Variants in PRIM2 observed in about 807,000 individuals in gnomAD.
The protein encoded by PRIM2 is DNA primase subunit 2.
Under a neutral mutation model 67.3 loss-of-function variants are expected in PRIM2, and 39 were observed. The ratio of observed to expected loss-of-function variants is 0.58; its 90% CI spans 0.45 to 0.76. The LOEUF (loss-of-function observed/expected upper bound fraction) is 0.76, where lower values mean the gene tolerates loss of function less well. Among genes scored for constraint, PRIM2 ranks in the 30% least tolerant of loss-of-function variants. The probability of loss-of-function intolerance (pLI) is 0.00; values close to 1 mark genes in which losing one functional copy is unlikely to be tolerated. For missense variants in PRIM2, 398 were observed against 598.7 expected, an observed-to-expected ratio of 0.66 and a Z score of 3.50; for synonymous variants, 143 against 198.7, an observed-to-expected ratio of 0.72 and a Z score of 2.36.
intron 10 of PRIM2, among the ~76,000 whole-genome samples, chr6:57,598,262 G>GT (rs1342062045): frequency 2.0e-5 from 3 of 152,180 alleles, no homozygotes; most frequent in Non-Finnish European, 2.9e-5. Flanking sequence ...TTGTGCTCTA[G>GT]TATAAAAGTG....
chr6:57,577,314 A>C (rs1371055093), intron 10 of PRIM2, among the ~76,000 whole-genome samples: 72 of 152,286 alleles, frequency 4.7e-4, no homozygotes, highest in African/African-American at 1.7e-3. Context: ...TAATATTTCG[A>C]AGTCTCAATT....
At chr6:57,446,337 C>A (rs73750119) in intron 7 of PRIM2, among the ~76,000 whole-genome samples, 1 of 141,396 alleles carries the variant, frequency 7.1e-6, no homozygotes, top group African/African-American at 2.6e-5. Flanking sequence ...AGAATAGCTT[C>A]AATAAGAAAG....
At chr6:57,377,197 A>G (rs1248305127) in intron 5 of PRIM2, among the ~76,000 whole-genome samples, 1 of 151,998 alleles carries the variant, frequency 6.6e-6, no homozygotes, top group South Asian at 2.1e-4. Flanking sequence ...CGGTTTTTCT[A>G]TATTTGAATC....
chr6:57,411,447 T>C (rs1771085428), intron 7 of PRIM2, among the ~76,000 whole-genome samples: 1 of 150,992 alleles, frequency 6.6e-6, no homozygotes, highest in South Asian at 2.1e-4. Flanking sequence ...GATTAATGAA[T>C]GTGGTGGTGC....
chr6:57,274,606 C>T, the PRIM2 span, among the ~76,000 whole-genome samples: 1 of 152,258 alleles, frequency 6.6e-6, no homozygotes. Flanking sequence ...CCTGCTTTGG[C>T]TCGTGCACGG....
chr6:57,281,579 T>C, the PRIM2 span, among the ~76,000 whole-genome samples: 1 of 152,180 alleles, frequency 6.6e-6, no homozygotes, highest in Non-Finnish European at 1.5e-5. Context: ...CATAGTACTA[T>C]GAGTTCATAG....
At chr6:57,434,590 T>C (rs994798471) in intron 7 of PRIM2, among the ~76,000 whole-genome samples, 6 of 152,140 alleles carry the variant, frequency 3.9e-5, no homozygotes, top group Admixed American at 2.0e-4. Flanking sequence ...TATAGTAAAA[T>C]CAATTTTAAT....
the PRIM2 span, among the ~76,000 whole-genome samples, chr6:57,303,927 A>C: frequency 2.0e-5 from 3 of 152,102 alleles, no homozygotes; most frequent in African/African-American, 7.2e-5. Flanking sequence ...GAGCCTTTGC[A>C]CCCCGCCCAC....
chr6:57,636,484 A>G (rs1402666495), intron 13 of PRIM2, among the ~76,000 whole-genome samples: 1 of 152,232 alleles, frequency 6.6e-6, no homozygotes, highest in Non-Finnish European at 1.5e-5. Flanking sequence ...ACTTCCCTTA[A>G]AAATGAAAGT....
intron 5 of PRIM2, among the ~76,000 whole-genome samples, chr6:57,355,135 C>A (rs1380462827): frequency 3.3e-5 from 5 of 152,392 alleles, no homozygotes; most frequent in Non-Finnish European, 7.3e-5. Flanking sequence ...GAAATCCCGT[C>A]TCTACTAAAA....
chr6:57,447,571 T>C (rs1262669350), intron 7 of PRIM2, among the ~76,000 whole-genome samples: 1 of 152,126 alleles, frequency 6.6e-6, no homozygotes, highest in Non-Finnish European at 1.5e-5. Flanking sequence ...TGGGAGATAA[T>C]GATCACATTG....
chr6:57,222,204 AG>A, the PRIM2 span: 3 of 152,320 alleles, frequency 2.0e-5, no homozygotes, highest in African/African-American at 7.2e-5. Flanking sequence ...CTTTATTAGT[AG>A]CCAGGGCTCA....
chr6:57,266,877 A>G, the PRIM2 span, among the ~76,000 whole-genome samples: 1 of 152,228 alleles, frequency 6.6e-6, no homozygotes, highest in Admixed American at 6.5e-5. Flanking sequence ...AAATGATTAA[A>G]AATAGTTAAA....
intron 5 of PRIM2, among the ~76,000 whole-genome samples, chr6:57,342,587 T>C (rs1010307788): frequency 3.9e-5 from 6 of 152,228 alleles, no homozygotes; most frequent in Non-Finnish European, 7.3e-5. Flanking sequence ...ATATTTCTTA[T>C]TGGCTTTGCA....
the PRIM2 span, among the ~76,000 whole-genome samples, chr6:57,291,585 C>T: frequency 7.5e-4 from 114 of 152,180 alleles, no homozygotes; most frequent in Non-Finnish European, 1.3e-3. Context: ...AACATCGATG[C>T]GAAAATCCTC....
chr6:57,266,556 C>T, the PRIM2 span, among the ~76,000 whole-genome samples: 24 of 152,230 alleles, frequency 1.6e-4, no homozygotes, highest in Middle Eastern at 0.01. Flanking sequence ...TAACATATAG[C>T]GCAGATTTCA....
At chr6:57,628,561 T>TC (rs1776992874) in intron 12 of PRIM2, among the ~76,000 whole-genome samples, 26 of 152,344 alleles carry the variant, frequency 1.7e-4, no homozygotes, top group African/African-American at 5.5e-4. Flanking sequence ...TGCATGATGC[T>TC]GAGGCTTGGG....
chr6:57,451,720 TTGTGTG>T (rs202148483), intron 7 of PRIM2, among the ~76,000 whole-genome samples: 1 of 151,294 alleles, frequency 6.6e-6, no homozygotes, highest in Non-Finnish European at 1.5e-5. Context: ...TGTATCTGTT[TTGTGTG>T]TGTGTGTGTG....
intron 12 of PRIM2, among the ~76,000 whole-genome samples, chr6:57,613,829 CTTT>C (rs1319203603): frequency 6.6e-6 from 1 of 151,504 alleles, no homozygotes; most frequent in East Asian, 1.9e-4. Context: ...TATGTCTACT[CTTT>C]TTTTTTATTT....
Sources: gnomAD v4.1 joint callset for allele counts (sites outside exome capture counted in the v4.1 genomes callset) on GRCh38, gnomAD v4.1.1 for gene constraint, MANE v1.5 for transcripts, NCBI Gene and HGNC (gene_info 2026-07-23, HGNC 2026-07-21) for gene names.